Variants in COL14A1 observed in about 807,000 individuals in gnomAD.
COL14A1 encodes the protein collagen alpha-1(XIV) chain.
Under a neutral mutation model 230.3 loss-of-function variants are expected in COL14A1, and 136 were observed. The ratio of observed to expected loss-of-function variants is 0.59; its 90% CI spans 0.51 to 0.68. COL14A1 has a LOEUF of 0.68. Ranked by LOEUF, COL14A1 falls within the 30% of genes least tolerant of loss-of-function variation. COL14A1 has a pLI of 0.00. For missense variants in COL14A1, 1,976 were observed against 2,215.8 expected, an observed-to-expected ratio of 0.89 and a Z score of 2.17; for synonymous variants, 792 against 784.1, an observed-to-expected ratio of 1.01 and a Z score of -0.17.
Position 120,317,326 on chromosome 8 carries a change from C to T in COL14A1, c.4659+1329C>T, listed in dbSNP as rs138120940. On this transcript the variant is annotated intron_variant, in intron 40 of 47. Coordinates refer to ENST00000297848, the MANE Select transcript of COL14A1 (RefSeq NM_021110.4). Reference sequence around the variant, plus strand: ...TTGTTTTTTCTATAGAATGTAGATGCGCAAGCCTTCTACATCCCCCCCTTT... The same window carrying T: ...TTGTTTTTTCTATAGAATGTAGATGTGCAAGCCTTCTACATCCCCCCCTTT... Among the ~76,000 whole-genome samples, 282 of 152,218 alleles carry T rather than the reference C, an allele frequency of 1.9e-3. 2 individuals are homozygous for T. The highest frequency in any genetic ancestry group is 0.01 in the Middle Eastern group (3 of 294).
At chr8:120,303,939 G>T (rs1412471738) in intron 36 of COL14A1, among the ~76,000 whole-genome samples, 2 of 151,932 alleles carry the variant, frequency 1.3e-5, no homozygotes, top group Non-Finnish European at 1.5e-5. Context: ...GTCTGTTCAG[G>T]GAATCAATTT....
rs544493397 is a variant in COL14A1, at chr8:120,330,402, A to C, written c.4660-1739A>C. ...TAAAGGAAAGAGGTTTAATTGGCTT[A>C]CAGTTTCACATGGCTGGGGAGACCT... On this transcript the variant is annotated intron_variant, in intron 40 of 47. Transcript: ENST00000297848. Among the ~76,000 whole-genome samples, 272 of 152,338 alleles carry C rather than the reference A, an allele frequency of 1.8e-3. 1 individual carries two copies. Among genetic ancestry groups the C allele is most frequent in the African/African-American group, 6.2e-3 (258 of 41,574 alleles).
At chr8:120,344,156 A>G (rs1251535979) in intron 44 of COL14A1, among the ~76,000 whole-genome samples, 3 of 152,176 alleles carry the variant, frequency 2.0e-5, no homozygotes, top group Non-Finnish European at 4.4e-5. Flanking sequence ...CTGTCAATAT[A>G]CTAGAAGGAA....
chr8:120,318,830 G>A (rs1821328542), intron 40 of COL14A1, among the ~76,000 whole-genome samples: 1 of 152,130 alleles, frequency 6.6e-6, no homozygotes. Context: ...AAATGACTGA[G>A]AAGACACTTC....
chr8:120,156,682 A>C (rs1460640056), intron 2 of COL14A1, among the ~76,000 whole-genome samples: 1 of 152,154 alleles, frequency 6.6e-6, no homozygotes, highest in Admixed American at 6.5e-5. Context: ...GGGAACAAAT[A>C]TTTATTGACT....
chr8:120,138,149 T>C (rs1428716513), intron 1 of COL14A1, among the ~76,000 whole-genome samples: 1 of 152,150 alleles, frequency 6.6e-6, no homozygotes, highest in Non-Finnish European at 1.5e-5. Flanking sequence ...TATATATCTA[T>C]CAATATATCT....
At chr8:120,188,274 G>A (rs893106262) in intron 5 of COL14A1, among the ~76,000 whole-genome samples, 4 of 151,964 alleles carry the variant, frequency 2.6e-5, no homozygotes, top group Admixed American at 2.6e-4. Flanking sequence ...TAGAGACGGG[G>A]TTTCACCATG....
intron 5 of COL14A1, among the ~76,000 whole-genome samples, chr8:120,172,926 C>A (rs1563650503): frequency 1.3e-5 from 2 of 152,132 alleles, no homozygotes; most frequent in Non-Finnish European, 2.9e-5. Context: ...GTGAAATCTA[C>A]CAGATATATA....
intron 42 of COL14A1, among the ~76,000 whole-genome samples, chr8:120,340,111 T>A (rs912153325): frequency 1.5e-5 from 2 of 129,112 alleles, no homozygotes; most frequent in Middle Eastern, 3.7e-3. Context: ...AGTGAGTGAG[T>A]GTGTGTGTGT....
At chr8:120,157,939 C>T (rs978432692) in intron 2 of COL14A1, among the ~76,000 whole-genome samples, 191 bp from the exon 3 acceptor site, 5 of 152,140 alleles carry the variant, frequency 3.3e-5, no homozygotes, top group African/African-American at 1.2e-4. Context: ...GAGCTGAGAT[C>T]GTGCCACTGC....
intron 1 of COL14A1, among the ~76,000 whole-genome samples, chr8:120,133,330 A>T (rs1814606115): frequency 6.6e-6 from 1 of 152,062 alleles, no homozygotes; most frequent in Non-Finnish European, 1.5e-5. Context: ...TGATATCAAA[A>T]CTTGACACAG....
In COL14A1 at chr8:120,209,791, G is replaced by T; in HGVS notation, c.1357G>T (p.Asp453Tyr). Residue 453 changes from aspartate to tyrosine, a missense_variant, in exon 12 of 48, where the codon GAC (aspartate) becomes TAC (tyrosine). Physicochemically the swap from Asp to Tyr is radical, Grantham distance 160 (BLOSUM62 -3). Coordinates refer to ENST00000297848, the MANE Select transcript of COL14A1 (RefSeq NM_021110.4). ...LPMASDLLLYDVTENSMRVKW... is the reference protein window; with the variant it reads ...LPMASDLLLYYVTENSMRVKW... ...GATGGCTTCTGACCTTCTACTGTACGACGTGACTGAGAACAGCATGCGAGT... is the reference window on the plus strand; with the variant it reads ...GATGGCTTCTGACCTTCTACTGTACTACGTGACTGAGAACAGCATGCGAGT... The T allele has an allele frequency of 6.2e-7, 1 of 1,613,452 alleles. No homozygotes were observed. Among genetic ancestry groups the T allele is most frequent in the Non-Finnish European group, 8.5e-7 (1 of 1,179,754 alleles).
At chr8:120,279,286 G>A (rs1819960741) in intron 28 of COL14A1, among the ~76,000 whole-genome samples, 1 of 151,736 alleles carries the variant, frequency 6.6e-6, no homozygotes, top group Admixed American at 6.6e-5. Context: ...TGCATCTTCA[G>A]CACGTGTATC....
At chr8:120,277,305 TA>T (rs1332125712) in intron 26 of COL14A1, among the ~76,000 whole-genome samples, 1 of 152,164 alleles carries the variant, frequency 6.6e-6, no homozygotes, top group Non-Finnish European at 1.5e-5. Context: ...GTTTGCTTCA[TA>T]AGGAAATCTT....
rs1038060668 is a variant in COL14A1 at position 120,255,314 on chromosome 8, C to T, written c.2827C>T (p.Arg943Cys). 13 of 1,614,096 alleles carry T rather than the reference C, an allele frequency of 8.1e-6. No individual in the cohort carries two copies. Among genetic ancestry groups the T allele is most frequent in the African/African-American group, 1.3e-5 (1 of 75,046 alleles). Residue 943 changes from arginine to cysteine, a missense_variant, in exon 23 of 48, where the codon CGC (arginine) becomes TGC (cysteine). Physicochemically the swap from Arg to Cys is radical, Grantham distance 180. This residue lies in a region of COL14A1 where 1,791 missense variants were observed against 2,019.5 expected (regional missense o/e 0.89). Coordinates refer to ENST00000297848, the MANE Select transcript of COL14A1 (RefSeq NM_021110.4). ...CTTGTGTGCCCACTGGCAGGTACAT[C>T]GCCATGCCACAGCCTATAGGGTTGT... Reference protein sequence around the residue: ...TSLCAHWQVHRHATAYRVVIE... With the variant: ...TSLCAHWQVHCHATAYRVVIE...
At chr8:120,359,705 C>G (rs1823123057) in intron 45 of COL14A1, among the ~76,000 whole-genome samples, 1 of 152,090 alleles carries the variant, frequency 6.6e-6, no homozygotes, top group East Asian at 1.9e-4. Context: ...TCTTATGTAC[C>G]AGTGAGGTCA....
At chr8:120,272,349 G>A (rs1186640261) in intron 26 of COL14A1, among the ~76,000 whole-genome samples, 1 of 151,662 alleles carries the variant, frequency 6.6e-6, no homozygotes, top group East Asian at 1.9e-4. Flanking sequence ...CCTCTTGAAA[G>A]CATAAAACTC....
intron 19 of COL14A1, among the ~76,000 whole-genome samples, chr8:120,240,990 T>G (rs1016128034): frequency 2.6e-5 from 4 of 152,176 alleles, no homozygotes; most frequent in African/African-American, 9.6e-5. Context: ...TCTCATTTAT[T>G]TTAAAAGGCT....
At chr8:120,247,000 T>C (rs908241306) in intron 20 of COL14A1, among the ~76,000 whole-genome samples, 14 of 152,308 alleles carry the variant, frequency 9.2e-5, no homozygotes, top group African/African-American at 3.4e-4. Flanking sequence ...GAGACAGACA[T>C]TTCTAATAAA....
Sources: gnomAD v4.1 joint callset for allele counts (sites outside exome capture counted in the v4.1 genomes callset) on GRCh38, gnomAD v4.1.1 for gene constraint, gnomAD v4.1.1 regional missense constraint, MANE v1.5 for transcripts, NCBI Gene and HGNC (gene_info 2026-07-23, HGNC 2026-07-21) for gene names.